The following WWC2 variants were observed in gnomAD, a reference collection of about 807,000 sequenced individuals.
WWC2 encodes WW and C2 domain containing 2.
Under a neutral mutation model 138.5 loss-of-function variants are expected in WWC2, and 101 were observed. That is an observed-to-expected ratio of 0.73 (90% confidence interval 0.62 to 0.86). The LOEUF is 0.86. WWC2 is among the 40% of genes least tolerant of loss of function. WWC2 has a pLI of 0.00. For missense variants in WWC2, 1,420 were observed against 1,419.4 expected, an observed-to-expected ratio of 1.00 and a Z score of -0.01; for synonymous variants, 558 against 538.4, an observed-to-expected ratio of 1.04 and a Z score of -0.50.
At chr4:183,305,978 C>A (rs1020030913) in intron 21 of WWC2, among the ~76,000 whole-genome samples, 1 of 152,008 alleles carries the variant, frequency 6.6e-6, no homozygotes, top group African/African-American at 2.4e-5. Flanking sequence ...AGCAATGATG[C>A]AAGGGACAAG....
At chr4:183,271,355 T>G in intron 16 of WWC2, 114 bp downstream of exon 16, 1 of 788,646 alleles carries the variant, frequency 1.3e-6, no homozygotes, top group Non-Finnish European at 1.8e-6. Context: ...TTTTATCACT[T>G]TCACTGTCCT....
At chr4:183,187,918 C>G (rs1734862566) in intron 1 of WWC2, among the ~76,000 whole-genome samples, 2 of 151,782 alleles carry the variant, frequency 1.3e-5, no homozygotes, top group African/African-American at 4.8e-5. Flanking sequence ...ACCAGAAATA[C>G]CCATTTTGAA....
chr4:183,139,618 G>A (rs1230973130), intron 1 of WWC2, among the ~76,000 whole-genome samples: 4 of 152,106 alleles, frequency 2.6e-5, no homozygotes, highest in Non-Finnish European at 5.9e-5. Context: ...GAATATGATA[G>A]TGTGAGTGAG....
intron 10 of WWC2, among the ~76,000 whole-genome samples, chr4:183,260,211 G>A (rs1276397751): frequency 1.3e-5 from 2 of 151,766 alleles, no homozygotes; most frequent in African/African-American, 4.8e-5. Context: ...CTACATTAAC[G>A]CTTTTGCCCT....
rs532040923 is a variant in WWC2 at position 183,177,407 on chromosome 4, A to C, written c.132-16192A>C. 2.6e-5 allele frequency among the ~76,000 whole-genome samples: 4 copies of C among 152,358 alleles called. No homozygotes were observed. The South Asian group carries it at 8.3e-4, about 32-fold the overall frequency. ...TTGGTGAAATATATGCATAACACAA[A>C]AGAGTCAGATTATGACAATAAAAAT... On this transcript the variant is annotated intron_variant, in intron 1 of 22. Coordinates refer to ENST00000403733, the MANE Select transcript of WWC2 (RefSeq NM_024949.6).
intron 20 of WWC2, among the ~76,000 whole-genome samples, chr4:183,286,426 G>GT: frequency 6.6e-6 from 1 of 152,060 alleles, no homozygotes; most frequent in Non-Finnish European, 1.5e-5. Context: ...GTAAGACCTG[G>GT]TACCTTTTCT....
At chr4:183,280,441 C>G (rs1180711246) in intron 16 of WWC2, among the ~76,000 whole-genome samples, 3 of 151,962 alleles carry the variant, frequency 2.0e-5, no homozygotes, top group Admixed American at 6.6e-5. Context: ...TGCCACTGTT[C>G]TAGGCAGCCA....
At chr4:183,136,734 AAATT>A (rs1284666211) in intron 1 of WWC2, among the ~76,000 whole-genome samples, 2 of 152,184 alleles carry the variant, frequency 1.3e-5, no homozygotes, top group Non-Finnish European at 2.9e-5. Flanking sequence ...TATTTTTGCA[AAATT>A]TTTTTAAAGC....
intron 4 of WWC2, among the ~76,000 whole-genome samples, chr4:183,233,209 T>G (rs1736310782): frequency 7.0e-6 from 1 of 142,348 alleles, no homozygotes; most frequent in Non-Finnish European, 1.5e-5. Flanking sequence ...TAGGTTTGAG[T>G]GCAATGGCTT....
intron 21 of WWC2, among the ~76,000 whole-genome samples, chr4:183,311,618 C>T (rs541655017): frequency 1.1e-3 from 146 of 131,514 alleles, no homozygotes; most frequent in Non-Finnish European, 2.0e-3. Context: ...CTCACTCTGT[C>T]GCCCAGGCTG....
rs561398901 is a variant in WWC2, at chr4:183,275,889, C to T, written c.2562+4648C>T. Among the ~76,000 whole-genome samples the T allele has an allele frequency of 3.3e-5, 5 of 152,166 alleles. No homozygotes were observed. In the South Asian group the frequency reaches 1.0e-3, roughly 32 times the overall value. On this transcript the variant is annotated intron_variant, in intron 16 of 22. Transcript: ENST00000403733. The stretch of plus-strand genomic sequence containing the variant: ...GAATTCACAAGTGAAGCCATCCAGT[C>T]CTGTACTTTTTTGTGTGTGGAATTT...
intron 4 of WWC2, among the ~76,000 whole-genome samples, chr4:183,225,880 TG>T (rs138735356): frequency 9.3e-4 from 141 of 152,252 alleles, no homozygotes; most frequent in African/African-American, 3.0e-3. Flanking sequence ...CTTGGTCTAA[TG>T]GTTGTATGTG....
At chr4:183,289,072 AG>A (rs1430925423) in intron 20 of WWC2, among the ~76,000 whole-genome samples, 2 of 152,250 alleles carry the variant, frequency 1.3e-5, no homozygotes. Context: ...GGTTCACTGC[AG>A]GTTGGCAGGA....
intron 1 of WWC2, among the ~76,000 whole-genome samples, chr4:183,168,383 A>G (rs1253117478): frequency 6.6e-6 from 1 of 152,186 alleles, no homozygotes; most frequent in African/African-American, 2.4e-5. Flanking sequence ...ACCTAAAAAA[A>G]TCATTAAGTT....
intron 5 of WWC2, among the ~76,000 whole-genome samples, chr4:183,244,670 C>A (rs893045547): frequency 3.3e-5 from 5 of 151,976 alleles, no homozygotes; most frequent in Non-Finnish European, 5.9e-5. Flanking sequence ...TACTTATTAA[C>A]CATTTATTAA....
chr4:183,320,176 A>C lies in WWC2; in HGVS notation c.*4447A>C. 5 of 1,614,164 alleles carry C rather than the reference A, an allele frequency of 3.1e-6. No individual in the cohort carries two copies. The highest frequency in any genetic ancestry group is 3.4e-6 in the Non-Finnish European group (4 of 1,180,026). ...AAAACCCATCCCAGCAAAGATAATG[A>C]AACTCCAGCTAGTTGAGCTACAGTT... is the stretch of plus-strand genomic sequence containing the variant. On this transcript the variant is annotated 3_prime_UTR_variant, in exon 23 of 23. Coordinates refer to ENST00000403733, the MANE Select transcript of WWC2 (RefSeq NM_024949.6).
intron 21 of WWC2, among the ~76,000 whole-genome samples, chr4:183,298,093 C>A (rs1560893182): frequency 6.6e-6 from 1 of 152,180 alleles, no homozygotes; most frequent in Admixed American, 6.5e-5. Context: ...TGTTAGAGGT[C>A]TCTTATTCAG....
chr4:183,168,696 C>T (rs1335297427), intron 1 of WWC2, among the ~76,000 whole-genome samples: 3 of 152,078 alleles, frequency 2.0e-5, no homozygotes, highest in Admixed American at 2.0e-4. Context: ...TATGCACTGG[C>T]TGTGGTGGAA....
intron 21 of WWC2, among the ~76,000 whole-genome samples, chr4:183,290,252 C>T (rs7670411): frequency 0.35 from 53,256 of 151,968 alleles, 9,999 homozygotes; most frequent in Middle Eastern, 0.47. Flanking sequence ...CGCAGTGGCT[C>T]ACACCTATAA....
Sources: gnomAD v4.1 joint callset for allele counts (sites outside exome capture counted in the v4.1 genomes callset) on GRCh38, gnomAD v4.1.1 for gene constraint, MANE v1.5 for transcripts, NCBI Gene and HGNC (gene_info 2026-07-23, HGNC 2026-07-21) for gene names.